LRP1B: variants seen among roughly 807,000 people sequenced by gnomAD.
LRP1B encodes LDL receptor related protein 1B, also known as low-density lipoprotein receptor-related protein 1B.
Under a neutral mutation model 556.6 loss-of-function variants are expected in LRP1B, and 217 were observed. That is an observed-to-expected ratio of 0.39 (90% confidence interval 0.35 to 0.44). The LOEUF is 0.44. Ranked by LOEUF, LRP1B falls within the 20% of genes least tolerant of loss-of-function variation. The pLI is 1.00. For synonymous variants in LRP1B, 2,047 were observed against 1,865.8 expected (o/e 1.10, Z -2.50); for missense variants, 5,053 against 5,620.8 (o/e 0.90, Z 3.23).
In LRP1B at chr2:140,907,896, A is replaced by G. The variant is rs772889583; in HGVS notation, c.3501T>C (p.Ser1167=). ...CAATACCACAGAGATAGCCTTCATC[A>G]GAGCCATCAGGACAATCCTTTTTCC... ...CNGKKDCPDG[S]DEGYLCDECS... Residue 1167 remains serine, a synonymous_variant, in exon 22 of 91, where the codon TCT becomes TCC. Coordinates refer to ENST00000389484, the MANE Select transcript of LRP1B (RefSeq NM_018557.3). 4 of 1,613,412 alleles carry G rather than the reference A, an allele frequency of 2.5e-6. No individual in the cohort carries two copies. In the South Asian group the frequency reaches 4.4e-5, roughly 18 times the overall value.
chr2:140,272,999 T>G (rs1417262270), intron 85 of LRP1B, among the ~76,000 whole-genome samples: 1 of 151,954 alleles, frequency 6.6e-6, no homozygotes, highest in Non-Finnish European at 1.5e-5. Flanking sequence ...GACTTTTGAC[T>G]GTATAGCAAG....
At chr2:141,829,464 A>G (rs1007822662) in intron 1 of LRP1B, among the ~76,000 whole-genome samples, 1 of 152,130 alleles carries the variant, frequency 6.6e-6, no homozygotes, top group Non-Finnish European at 1.5e-5. Flanking sequence ...GTCTAGCAGC[A>G]TATTTTGTTC....
chr2:140,248,525 A>G (rs1222431506), intron 86 of LRP1B, among the ~76,000 whole-genome samples: 1 of 151,682 alleles, frequency 6.6e-6, no homozygotes, highest in Non-Finnish European at 1.5e-5. Flanking sequence ...TTTATTATAA[A>G]CCATAATACA....
At chr2:141,647,372 A>G (rs1468532807) in intron 2 of LRP1B, among the ~76,000 whole-genome samples, 1 of 151,912 alleles carries the variant, frequency 6.6e-6, no homozygotes, top group Non-Finnish European at 1.5e-5. Flanking sequence ...GTTTTCCACC[A>G]GGAGAAATTG....
chr2:141,885,515 G>A (rs1699084373), intron 1 of LRP1B, among the ~76,000 whole-genome samples: 1 of 152,112 alleles, frequency 6.6e-6, no homozygotes, highest in Non-Finnish European at 1.5e-5. Context: ...AAAACGCTGT[G>A]GAATGAGCAG....
chr2:142,094,006 C>T (rs1317973989), intron 1 of LRP1B, among the ~76,000 whole-genome samples: 1 of 152,012 alleles, frequency 6.6e-6, no homozygotes, highest in Non-Finnish European at 1.5e-5. Context: ...ATCAAGGTGC[C>T]AGCAGATGTT....
At chr2:141,224,907 A>C (rs2105284248) in intron 6 of LRP1B, among the ~76,000 whole-genome samples, 1 of 152,206 alleles carries the variant, frequency 6.6e-6, no homozygotes, top group South Asian at 2.1e-4. Context: ...GGTGCAGCAA[A>C]CCACCGCAGT....
At chr2:141,900,078 AT>A (rs1699572149) in intron 1 of LRP1B, among the ~76,000 whole-genome samples, 1 of 152,058 alleles carries the variant, frequency 6.6e-6, no homozygotes, top group Non-Finnish European at 1.5e-5. Flanking sequence ...GTGCCAGATT[AT>A]TTTTTGTGAC....
In LRP1B at chr2:140,674,848, A is replaced by G. The variant is rs530678107; in HGVS notation, c.6799+25402T>C. Among the ~76,000 whole-genome samples the G allele has an allele frequency of 2.1e-3, 315 of 152,354 alleles. 5 individuals are homozygous for G. Among genetic ancestry groups the G allele is most frequent in the East Asian group, 2.3e-3 (12 of 5,192 alleles). ...AGCAGCACTTCAATTCCAGGATACA[A>G]AATTCCTATTTGTTTCTTGATGCTG... On this transcript the variant is annotated intron_variant, in intron 41 of 90. Coordinates refer to ENST00000389484, the MANE Select transcript of LRP1B (RefSeq NM_018557.3).
At chr2:140,331,697 A>ATATC in intron 79 of LRP1B, among the ~76,000 whole-genome samples, 1 of 147,732 alleles carries the variant, frequency 6.8e-6, no homozygotes, top group Non-Finnish European at 1.5e-5. Context: ...ATATATATAT[A>ATATC]TATATATATA....
At chr2:141,858,704 G>C (rs1361166375) in intron 1 of LRP1B, among the ~76,000 whole-genome samples, 1 of 152,080 alleles carries the variant, frequency 6.6e-6, no homozygotes, top group Non-Finnish European at 1.5e-5. Context: ...AACACTTAAT[G>C]AATTATGCAC....
intron 7 of LRP1B, among the ~76,000 whole-genome samples, chr2:141,065,667 A>C (rs1699461555): frequency 6.6e-6 from 1 of 151,896 alleles, no homozygotes. Context: ...CTTTATTGTT[A>C]CCACCCCTAG....
chr2:141,016,475 G>A (rs1181140706), intron 12 of LRP1B, among the ~76,000 whole-genome samples: 1 of 151,960 alleles, frequency 6.6e-6, no homozygotes, highest in East Asian at 1.9e-4. Context: ...TTGTCTTCCT[G>A]ATGCAAATCA....
intron 2 of LRP1B, among the ~76,000 whole-genome samples, chr2:141,752,585 C>T (rs1342252218): frequency 6.6e-6 from 1 of 152,006 alleles, no homozygotes; most frequent in Non-Finnish European, 1.5e-5. Context: ...TTGGAATGAC[C>T]TGGGTAGCTT....
At chr2:141,032,418 TAATTCTTC>T (rs1481578507) in intron 11 of LRP1B, among the ~76,000 whole-genome samples, 2 of 152,114 alleles carry the variant, frequency 1.3e-5, no homozygotes, top group African/African-American at 4.8e-5. Context: ...TATTACTAAA[TAATTCTTC>T]AATACCAATA....
At chr2:140,268,507 C>A (rs760570802) in intron 86 of LRP1B, among the ~76,000 whole-genome samples, 15 of 152,080 alleles carry the variant, frequency 9.9e-5, no homozygotes, top group Non-Finnish European at 2.1e-4. Flanking sequence ...CACTATTAGG[C>A]ACTTTGAGAT....
In LRP1B at chr2:140,996,818, T is replaced by C. The variant is rs527586442; in HGVS notation, c.2504-2683A>G. ...TAAAAGATAAAGACAAAGGGATATG[T>C]AGACAGAACGAAGAGAGTCAAAGTT... On this transcript the variant is annotated intron_variant, in intron 15 of 90. Coordinates refer to ENST00000389484, the MANE Select transcript of LRP1B (RefSeq NM_018557.3). Among the ~76,000 whole-genome samples, 7 of 152,074 alleles carry C rather than the reference T, an allele frequency of 4.6e-5. No individual in the cohort carries two copies. In the South Asian group the frequency reaches 1.5e-3, roughly 32 times the overall value.
chr2:142,126,944 T>G lies in LRP1B; in HGVS notation c.82+3704A>C, dbSNP rs114822267. On this transcript the variant is annotated intron_variant, in intron 1 of 90. Coordinates refer to ENST00000389484, the MANE Select transcript of LRP1B (RefSeq NM_018557.3). ...CAAGGTAACTGGCAAGAAACTAATGTCCTGGATCCAATAGATTTGCAAACT... is the reference window on the plus strand; with the variant it reads ...CAAGGTAACTGGCAAGAAACTAATGGCCTGGATCCAATAGATTTGCAAACT... 3.6e-3 allele frequency among the ~76,000 whole-genome samples: 541 copies of G among 151,930 alleles called. 3 individuals are homozygous for G. Among genetic ancestry groups the G allele is most frequent in the Non-Finnish European group, 6.0e-3 (407 of 67,794 alleles).
Position 141,021,727 on chromosome 2 carries a change from A to G in LRP1B, c.1790-1625T>C, listed in dbSNP as rs555871942. Among the ~76,000 whole-genome samples, 10 of 152,020 alleles carry G rather than the reference A, an allele frequency of 6.6e-5. No individual in the cohort carries two copies. The South Asian group carries it at 2.1e-3, about 32-fold the overall frequency. On this transcript the variant is annotated intron_variant, in intron 11 of 90. Coordinates refer to ENST00000389484, the MANE Select transcript of LRP1B (RefSeq NM_018557.3). ...ATATGACTTGAGACTTATTTTTTTC[A>G]TATGAAGCAGTTACAATGCTGTATG...
Sources: gnomAD v4.1 joint callset for allele counts (sites outside exome capture counted in the v4.1 genomes callset) on GRCh38, gnomAD v4.1.1 for gene constraint, MANE v1.5 for transcripts, NCBI Gene and HGNC (gene_info 2026-07-23, HGNC 2026-07-21) for gene names.